Variants in MYO1E observed in about 807,000 individuals in gnomAD.
MYO1E encodes the protein unconventional myosin-Ie.
Under a neutral mutation model 151.1 loss-of-function variants are expected in MYO1E, and 68 were observed. The observed-to-expected ratio is 0.45, with a 90% CI of 0.37 to 0.55. The LOEUF (loss-of-function observed/expected upper bound fraction) is 0.55, where lower values mean the gene tolerates loss of function less well. Among genes scored for constraint, MYO1E ranks in the 20% least tolerant of loss-of-function variants. MYO1E has a pLI of 0.00. For missense variants in MYO1E, 1,363 were observed against 1,389.3 expected, an observed-to-expected ratio of 0.98 and a Z score of 0.30; for synonymous variants, 601 against 501.7, an observed-to-expected ratio of 1.20 and a Z score of -2.64.
chr15:59,172,034 C>T lies in MYO1E; in HGVS notation c.2343G>A (p.Lys781=). 1 of 1,614,038 alleles carries T rather than the reference C, an allele frequency of 6.2e-7. No homozygotes were observed. Among genetic ancestry groups the T allele is most frequent in the East Asian group, 2.2e-5 (1 of 44,884 alleles). ...ACTTTGGGGTAAGGAGCAGGTCTCG[C>T]TTTACACCCTGTAAGGAGAGGAGCT... ...TKYDRRFKGV[K]RDLLLTPKCL... Residue 781 remains lysine, a synonymous_variant, in exon 22 of 28, where the codon AAG becomes AAA. Transcript: ENST00000288235.
chr15:59,286,971 A>G (rs1365529512), intron 1 of MYO1E, among the ~76,000 whole-genome samples: 2 of 152,110 alleles, frequency 1.3e-5, no homozygotes, highest in Non-Finnish European at 2.9e-5. Context: ...GCAGCCACTA[A>G]TCCACATGGC....
Position 59,153,661 on chromosome 15 carries a change from G to T in MYO1E, c.3009C>A (p.Thr1003=), listed in dbSNP as rs1429159274. Residue 1003 remains threonine, a synonymous_variant, in exon 26 of 28, where the codon ACC becomes ACA. Transcript: ENST00000288235. ...GCGTCTGTGACACTCGGTCTGAACT[G>T]GTAGACTGCTGCCGAGGCAAGGGCG... ...ARPPLPRQQS[T]SSDRVSQTPE... 6.2e-7 allele frequency: 1 copy of T among 1,614,082 alleles called. No homozygotes were observed. Among genetic ancestry groups the T allele is most frequent in the African/African-American group, 1.3e-5 (1 of 74,922 alleles).
At chr15:59,217,863 A>G (rs774362421) in intron 10 of MYO1E, 28 bp downstream of exon 10, 2 of 1,610,864 alleles carry the variant, frequency 1.2e-6, no homozygotes, top group Admixed American at 3.3e-5. Context: ...GATATGAAGC[A>G]TCACCAGCAT....
At chr15:59,233,962 A>C (rs562114157) in intron 5 of MYO1E, among the ~76,000 whole-genome samples, 51 of 152,116 alleles carry the variant, frequency 3.4e-4, no homozygotes, top group Admixed American at 6.5e-4. Context: ...ATTGGGTTAA[A>C]TAATACTGTT....
At chr15:59,277,230 A>G (rs1392306902) in intron 1 of MYO1E, among the ~76,000 whole-genome samples, 1 of 152,154 alleles carries the variant, frequency 6.6e-6, no homozygotes, top group Non-Finnish European at 1.5e-5. Flanking sequence ...AGACCAATAT[A>G]TAAACATAGT....
chr15:59,301,787 T>C (rs570073009), intron 1 of MYO1E, among the ~76,000 whole-genome samples: 8 of 152,182 alleles, frequency 5.3e-5, no homozygotes, highest in Non-Finnish European at 7.3e-5. Flanking sequence ...GGGGATTCTC[T>C]TTAACTCTTT....
At position 59,208,790 on chromosome 15, in the gene MYO1E, C is replaced by A; in HGVS notation, c.1421G>T (p.Gly474Val). The change falls in exon 14 of 28, where the codon GGT becomes GTT. Residue 474 changes from glycine (G) to valine (V), a missense_variant. By Grantham distance (109) the Gly-to-Val change is moderately radical (BLOSUM62 -3). Coordinates refer to ENST00000288235, the MANE Select transcript of MYO1E (RefSeq NM_004998.4). ...DDVCATMHAV[G>V]EGADQTLLQK... Reference sequence around the variant, plus strand: ...GAGCAGCGTCTGATCTGCCCCCTCACCCACCGCATGCATCGTGGCGCACAC... The same window carrying A: ...GAGCAGCGTCTGATCTGCCCCCTCAACCACCGCATGCATCGTGGCGCACAC... The A allele has an allele frequency of 6.2e-7, 1 of 1,614,242 alleles. No individual in the cohort carries two copies. The highest frequency in any genetic ancestry group is 1.1e-5 in the South Asian group (1 of 91,084).
chr15:59,352,579 T>G (rs2080829191), intron 1 of MYO1E, among the ~76,000 whole-genome samples: 1 of 152,212 alleles, frequency 6.6e-6, no homozygotes, highest in South Asian at 2.1e-4. Flanking sequence ...TCTCTGCCAC[T>G]TTTCAGATGG....
At chr15:59,213,011 C>A (rs149192500) in intron 12 of MYO1E, among the ~76,000 whole-genome samples, 1 of 152,174 alleles carries the variant, frequency 6.6e-6, no homozygotes, top group African/African-American at 2.4e-5. Flanking sequence ...CTGGGCTCCA[C>A]AACTGGGAGG....
intron 9 of MYO1E, among the ~76,000 whole-genome samples, chr15:59,221,819 T>C (rs947113451): frequency 6.6e-6 from 1 of 152,104 alleles, no homozygotes; most frequent in South Asian, 2.1e-4. Flanking sequence ...TTTTCAAGCA[T>C]AAAGAGGCAG....
chr15:59,327,873 G>C (rs1367489934), intron 1 of MYO1E, among the ~76,000 whole-genome samples: 1 of 152,226 alleles, frequency 6.6e-6, no homozygotes, highest in Non-Finnish European at 1.5e-5. Context: ...AAAGGCCAGG[G>C]TGGACTGCCA....
At chr15:59,179,877 G>A (rs1387772950) in intron 18 of MYO1E, among the ~76,000 whole-genome samples, 1 of 152,270 alleles carries the variant, frequency 6.6e-6, no homozygotes, top group Non-Finnish European at 1.5e-5. Context: ...GTATGTGTGG[G>A]TGTGAAGTTG....
intron 17 of MYO1E, 22 bp from the exon 18 acceptor site, chr15:59,188,238 G>T: frequency 6.3e-7 from 1 of 1,578,854 alleles, no homozygotes; most frequent in South Asian, 1.1e-5. Flanking sequence ...AGAAAATGGG[G>T]CCTGGACATT....
At chr15:59,275,202 C>T (rs1017485967) in intron 1 of MYO1E, among the ~76,000 whole-genome samples, 3 of 152,062 alleles carry the variant, frequency 2.0e-5, no homozygotes, top group South Asian at 2.1e-4. Context: ...TATTTCTACC[C>T]GTTAAGTTTA....
At chr15:59,181,720 C>CT (rs2079659074) in intron 18 of MYO1E, among the ~76,000 whole-genome samples, 1 of 152,190 alleles carries the variant, frequency 6.6e-6, no homozygotes, top group African/African-American at 2.4e-5. Flanking sequence ...TCTGGGTAGT[C>CT]TGTGAGCCAT....
intron 1 of MYO1E, among the ~76,000 whole-genome samples, chr15:59,323,130 C>G (rs2080638480): frequency 7.3e-6 from 1 of 137,662 alleles, no homozygotes; most frequent in Non-Finnish European, 1.5e-5. Context: ...GATCGCACCA[C>G]TGCACTCCAG....
intron 14 of MYO1E, 125 bp from the exon 15 acceptor site, chr15:59,205,610 A>G: frequency 1.2e-6 from 1 of 827,976 alleles, no homozygotes; most frequent in Admixed American, 2.0e-5. Flanking sequence ...GGCTACCCTC[A>G]CCACAACATG....
intron 2 of MYO1E, among the ~76,000 whole-genome samples, chr15:59,264,252 A>AGGGAAACT (rs1434432409): frequency 6.6e-6 from 1 of 152,216 alleles, no homozygotes; most frequent in African/African-American, 2.4e-5. Flanking sequence ...CAGCCTGTAC[A>AGGGAAACT]GGGAAACTGA....
In MYO1E at chr15:59,209,827, T is replaced by C. The variant is rs1393574104; in HGVS notation, c.1362+687A>G. Among the ~76,000 whole-genome samples, 33 of 102,456 alleles carry C rather than the reference T, an allele frequency of 3.2e-4. 3 individuals carry two copies. The South Asian group carries it at 0.013, about 40-fold the overall frequency. 67.2% of individuals were successfully genotyped at this position (102,456 alleles called of 152,430 possible). On this transcript the variant is annotated intron_variant, in intron 13 of 27. Coordinates refer to ENST00000288235, the MANE Select transcript of MYO1E (RefSeq NM_004998.4). The stretch of plus-strand genomic sequence containing the variant: ...TATTTTGAATCACCTTTTTTTTTTT[T>C]TTTTTTTTTTTTTTTTTTTTGAGAC...
Sources: allele counts gnomAD v4.1 joint callset (sites outside exome capture counted in the v4.1 genomes callset), GRCh38; gene constraint gnomAD v4.1.1; transcripts MANE v1.5; gene names NCBI Gene and HGNC (gene_info 2026-07-23, HGNC 2026-07-21).